The following PARPBP variants were observed in gnomAD, a reference collection of about 807,000 sequenced individuals.
PARPBP encodes the protein PARP1 binding protein.
In PARPBP, 52 loss-of-function variants were observed where a neutral mutation model predicts 50.0. The observed-to-expected ratio is 1.04, with a 90% confidence interval of 0.83 to 1.31. The LOEUF (loss-of-function observed/expected upper bound fraction) is 1.31, where lower values mean the gene tolerates loss of function less well. PARPBP is among the 50% of genes most tolerant of loss of function. The pLI is 0.00. For synonymous variants in PARPBP, 244 were observed against 232.1 expected (o/e 1.05, Z -0.47); for missense variants, 697 against 672.0 (o/e 1.04, Z -0.41).
rs753354906 is a variant in PARPBP, at chr12:102,196,330, A to G, written c.*39A>G. 3 of 1,273,828 alleles carry G rather than the reference A, an allele frequency of 2.4e-6. No individual in the cohort carries two copies. In the South Asian group the frequency reaches 4.3e-5, roughly 18 times the overall value. The allele number at this position is 1,273,828 out of a possible 1,614,324, so 78.9% of individuals were successfully genotyped here. On this transcript the variant is annotated 3_prime_UTR_variant, in exon 11 of 11. Transcript: ENST00000327680. ...ATGCTTTAGGTTTATGTATCTATAAACCATTCACCAAAGACATGCTTAATT... is the reference window on the plus strand; with the variant it reads ...ATGCTTTAGGTTTATGTATCTATAAGCCATTCACCAAAGACATGCTTAATT...
At chr12:102,161,774 G>T (rs1887622811) in intron 4 of PARPBP, among the ~76,000 whole-genome samples, 1 of 152,092 alleles carries the variant, frequency 6.6e-6, no homozygotes, top group Admixed American at 6.6e-5. Flanking sequence ...ATATTAAAAA[G>T]AAAAGTATGC....
chr12:102,166,462 T>C (rs1888152268), intron 6 of PARPBP, among the ~76,000 whole-genome samples: 2 of 152,142 alleles, frequency 1.3e-5, no homozygotes, highest in African/African-American at 4.8e-5. Flanking sequence ...TGGTGGATCA[T>C]TGTCAATTTG....
At chr12:102,173,018 G>T (rs1439267264) in intron 6 of PARPBP, among the ~76,000 whole-genome samples, 1 of 152,154 alleles carries the variant, frequency 6.6e-6, no homozygotes, top group East Asian at 1.9e-4. Context: ...TTCTTCCATT[G>T]AAAATAATTA....
rs780632125 is a variant in PARPBP at position 102,196,018 on chromosome 12, A to G, written c.1467A>G (p.Arg489=). 31 of 1,611,180 alleles carry G rather than the reference A, an allele frequency of 1.9e-5. No homozygotes were observed. Among genetic ancestry groups the G allele is most frequent in the Non-Finnish European group, 2.3e-5 (27 of 1,178,432 alleles). ...GTSFGNVHLD[R]SKNEKVSRKS... is the part of the protein sequence containing the mutation. ...GTTTTGGAAATGTTCATCTGGACAG[A>G]AGTAAAAATGAAAAAGTATCAAGAA... The change falls in exon 11 of 11, where the codon AGA becomes AGG. Residue 489 remains arginine, a synonymous_variant. Transcript: ENST00000327680.
Position 102,180,442 on chromosome 12 carries a change from C to T in PARPBP, c.1184+1672C>T, listed in dbSNP as rs1021217250. ...TCTAGGCCAGGCATGGTGTCTTATG[C>T]TAATAATCCCGGAGCTTTAGGAGGC... is the stretch of plus-strand genomic sequence containing the variant. On this transcript the variant is annotated intron_variant, in intron 8 of 10. Coordinates refer to ENST00000327680, the MANE Select transcript of PARPBP (RefSeq NM_017915.5). Among the ~76,000 whole-genome samples, 2 of 152,140 alleles carry T rather than the reference C, an allele frequency of 1.3e-5. 1 individual carries two copies.
intron 2 of PARPBP, among the ~76,000 whole-genome samples, chr12:102,137,872 T>C (rs1883899153): frequency 6.6e-6 from 1 of 152,238 alleles, no homozygotes; most frequent in African/African-American, 2.4e-5. Flanking sequence ...CCATGGTGTA[T>C]ATGTGCCATA....
rs535837377 is a variant in PARPBP, at chr12:102,148,529, T to C, written c.387+66T>C. The C allele has an allele frequency of 4.8e-6, 3 of 624,588 alleles. No homozygotes were observed. In the African/African-American group the frequency reaches 5.8e-5, roughly 12 times the overall value. The allele number at this position is 624,588 out of a possible 1,614,324, so 38.7% of individuals were successfully genotyped here. A position where few individuals can be genotyped will look rare whatever the true frequency, so the allele number is the denominator to read the frequency against. ...ATTTAGCTCTATTTATTTTGAATTA[T>C]AGTATCACCAGTTATAGTAACTTGG... On this transcript the variant is annotated intron_variant, in intron 3 of 10. Transcript: ENST00000327680.
At chr12:102,167,270 T>C (rs1888235478) in intron 6 of PARPBP, among the ~76,000 whole-genome samples, 1 of 152,146 alleles carries the variant, frequency 6.6e-6, no homozygotes, top group South Asian at 2.1e-4. Flanking sequence ...TTTATGTTAG[T>C]CTTATATTTG....
At position 102,148,325 on chromosome 12, in the gene PARPBP, C is replaced by T. The variant is rs781578179; in HGVS notation, c.249C>T (p.Asp83=). ...TGAACTTACCAGTTGAAAACATGGACGTGACTGACCATTATGAGGACGTTA... is the reference window on the plus strand; with the variant it reads ...TGAACTTACCAGTTGAAAACATGGATGTGACTGACCATTATGAGGACGTTA... ...EKLNLPVENM[D]VTDHYEDVRK... The change falls in exon 3 of 11, where the codon GAC becomes GAT. Residue 83 remains aspartate, a synonymous_variant. Coordinates refer to ENST00000327680, the MANE Select transcript of PARPBP (RefSeq NM_017915.5). The T allele has an allele frequency of 2.4e-5, 38 of 1,599,696 alleles. No homozygotes were observed. The highest frequency in any genetic ancestry group is 6.7e-5 in the East Asian group (3 of 44,702).
intron 2 of PARPBP, among the ~76,000 whole-genome samples, chr12:102,137,903 A>T (rs1883906787): frequency 6.6e-6 from 1 of 152,174 alleles, no homozygotes. Context: ...CCAGTCTATC[A>T]TTCTTGGACA....
intron 6 of PARPBP, among the ~76,000 whole-genome samples, chr12:102,174,943 A>G (rs1452994506): frequency 6.6e-6 from 1 of 152,140 alleles, no homozygotes; most frequent in Non-Finnish European, 1.5e-5. Context: ...TTAGAATGCA[A>G]TATCATGTTT....
chr12:102,191,617 G>A (rs1890800821), intron 9 of PARPBP, among the ~76,000 whole-genome samples: 1 of 152,046 alleles, frequency 6.6e-6, no homozygotes. Context: ...TAATTTAACT[G>A]GAGTCAGGCT....
intron 2 of PARPBP, among the ~76,000 whole-genome samples, chr12:102,146,702 C>A (rs927760644): frequency 8.5e-4 from 130 of 152,064 alleles, no homozygotes; most frequent in African/African-American, 2.7e-3. Flanking sequence ...GCAACAAAAG[C>A]CAAAATTGAC....
At chr12:102,131,933 G>A (rs1882918792) in intron 2 of PARPBP, among the ~76,000 whole-genome samples, 1 of 152,238 alleles carries the variant, frequency 6.6e-6, no homozygotes, top group Admixed American at 6.5e-5. Flanking sequence ...GCTGGGCGCT[G>A]TGGCTAATGC....
intron 4 of PARPBP, among the ~76,000 whole-genome samples, chr12:102,158,479 C>G (rs1316512571): frequency 6.6e-6 from 1 of 152,166 alleles, no homozygotes; most frequent in African/African-American, 2.4e-5. Flanking sequence ...TTTACATGCT[C>G]TAGTAGACTT....
chr12:102,138,553 G>T (rs571749413), intron 2 of PARPBP, among the ~76,000 whole-genome samples: 2 of 151,850 alleles, frequency 1.3e-5, no homozygotes, highest in South Asian at 4.2e-4. Flanking sequence ...TAGTCATGAA[G>T]TCCTTGCTCA....
intron 3 of PARPBP, chr12:102,150,362 C>G (rs959976648): frequency 2.3e-6 from 1 of 430,454 alleles, no homozygotes; most frequent in Non-Finnish European, 4.6e-6. Context: ...TGCTGAAAGT[C>G]TCTTTCAAGG....
At chr12:102,151,703 C>T in intron 3 of PARPBP, 4 of 1,535,618 alleles carry the variant, frequency 2.6e-6, no homozygotes, top group African/African-American at 1.4e-5. Flanking sequence ...TCCCTCTTAG[C>T]ATGGAGCTGG....
At chr12:102,189,949 TC>T (rs2137297054) in intron 9 of PARPBP, among the ~76,000 whole-genome samples, 1 of 152,278 alleles carries the variant, frequency 6.6e-6, no homozygotes, top group South Asian at 2.1e-4. Context: ...CATGTATATT[TC>T]TCTCTTGTTT....
Sources: gnomAD v4.1 joint callset for allele counts (sites outside exome capture counted in the v4.1 genomes callset) on GRCh38, gnomAD v4.1.1 for gene constraint, MANE v1.5 for transcripts, NCBI Gene and HGNC (gene_info 2026-07-23, HGNC 2026-07-21) for gene names.